Variants in PRDM16 observed in about 807,000 individuals in gnomAD.
The protein encoded by PRDM16 is histone-lysine N-methyltransferase PRDM16.
PRDM16 carries 23 observed loss-of-function variants against 110.6 expected under a neutral mutation model. The observed-to-expected ratio is 0.21, with a 90% CI of 0.15 to 0.29. PRDM16 has a LOEUF of 0.29. Ranked by LOEUF, PRDM16 falls within the 10% of genes least tolerant of loss-of-function variation. The pLI is 1.00. For missense variants in PRDM16, 1,615 were observed against 1,794.3 expected, an observed-to-expected ratio of 0.90 and a Z score of 1.81; for synonymous variants, 799 against 781.8, an observed-to-expected ratio of 1.02 and a Z score of -0.37.
chr1:3,185,256 C>T (rs2651926), intron 1 of PRDM16, among the ~76,000 whole-genome samples: 49,502 of 151,874 alleles, frequency 0.33, 9,464 homozygotes, highest in African/African-American at 0.54. Flanking sequence ...TCTCTTAGGA[C>T]GGACCCCAAA....
intron 3 of PRDM16, among the ~76,000 whole-genome samples, chr1:3,282,401 C>T (rs1293147507): frequency 6.6e-6 from 1 of 152,184 alleles, no homozygotes; most frequent in Non-Finnish European, 1.5e-5. Context: ...CCCCCACTGT[C>T]GGGCTTAGGA....
At chr1:3,185,729 C>G (rs753484178) in intron 1 of PRDM16, among the ~76,000 whole-genome samples, 3 of 152,234 alleles carry the variant, frequency 2.0e-5, no homozygotes, top group African/African-American at 7.2e-5. Context: ...TCAGCCGCCA[C>G]GCGTGACGGC....
intron 3 of PRDM16, among the ~76,000 whole-genome samples, chr1:3,314,079 G>GGGGGGGGGGGT (rs1435952092): frequency 1.3e-5 from 2 of 151,558 alleles, no homozygotes; most frequent in African/African-American, 4.9e-5. Context: ...ACCGGGGGGG[G>GGGGGGGGGGGT]GGGCGGGAAC....
intron 4 of PRDM16, among the ~76,000 whole-genome samples, chr1:3,395,646 G>A (rs759158935): frequency 2.6e-5 from 4 of 152,192 alleles, no homozygotes; most frequent in East Asian, 1.9e-4. Flanking sequence ...GGCATGGCCC[G>A]TGCCCTGGCC....
rs202228099 is a variant in PRDM16 at position 3,336,439 on chromosome 1, CAT to C, written c.439-48712_439-48711del. ...GTCTGTGCATGTGTGTTTGCATGCA[CAT>C]GTGTGTTGGAGTGAGCCTGTGTGTG... On this transcript the variant is annotated intron_variant, in intron 3 of 16. Coordinates refer to ENST00000270722, the MANE Select transcript of PRDM16 (RefSeq NM_022114.4). Among the ~76,000 whole-genome samples, 1,508 of 152,026 alleles carry C rather than the reference CAT, an allele frequency of 9.9e-3. 15 individuals are homozygous for C. The highest frequency in any genetic ancestry group is 0.034 in the African/African-American group (1,395 of 41,444).
Position 3,069,580 on chromosome 1 carries a change from A to C in PRDM16, c.37+284A>C, listed in dbSNP as rs1641695099. 5.5e-5 allele frequency among the ~76,000 whole-genome samples: 8 copies of C among 145,538 alleles called. No homozygotes were observed. The highest frequency in any genetic ancestry group is 2.4e-4 in the South Asian group (1 of 4,212). On this transcript the variant is annotated intron_variant, in intron 1 of 16. Coordinates refer to ENST00000270722, the MANE Select transcript of PRDM16 (RefSeq NM_022114.4). This position sits in a 1 kb window ranked among gnomAD's most constrained non-coding sequence, Gnocchi z 6.1. ...CAGTGTCAGGCGCTCGGGCCCGGGA[A>C]CCCGAGGCGCGCGGTGGGGGCCGGG...
chr1:3,355,253 G>T lies in PRDM16; in HGVS notation c.439-29899G>T, dbSNP rs140505192. 7.3e-3 allele frequency among the ~76,000 whole-genome samples: 1,115 copies of T among 152,294 alleles called. 8 individuals are homozygous for T. The highest frequency in any genetic ancestry group is 0.016 in the South Asian group (75 of 4,826). ...CCTGGCAGGAGGGGGAGGGAGAGGA[G>T]TACAGAGTGGAGGCCTCCGGGGTAT... On this transcript the variant is annotated intron_variant, in intron 3 of 16. Transcript: ENST00000270722.
intron 3 of PRDM16, among the ~76,000 whole-genome samples, chr1:3,310,995 GTA>G (rs957720531): frequency 6.6e-5 from 10 of 152,094 alleles, no homozygotes; most frequent in South Asian, 2.1e-4. Flanking sequence ...GTGTGCGTGC[GTA>G]TGTGTGTGTG....
At position 3,243,094 on chromosome 1, in the gene PRDM16, C is replaced by G. The variant is rs1230429150; in HGVS notation, c.388-993C>G. Among the ~76,000 whole-genome samples the G allele has an allele frequency of 1.3e-5, 2 of 152,178 alleles. No individual in the cohort carries two copies. Among genetic ancestry groups the G allele is most frequent in the East Asian group, 3.9e-4 (2 of 5,182 alleles). The stretch of plus-strand genomic sequence containing the variant: ...CAAAGAACGTTCCGGCTGGAGCGAC[C>G]TGGGAGGAAGAACGAGCCGACTGCT... On this transcript the variant is annotated intron_variant, in intron 2 of 16. Coordinates refer to ENST00000270722, the MANE Select transcript of PRDM16 (RefSeq NM_022114.4). The surrounding 1 kb of genome is among the most constrained non-coding windows in gnomAD (Gnocchi z 5.5).
Position 3,080,912 on chromosome 1 carries a change from G to T in PRDM16, c.37+11616G>T, listed in dbSNP as rs1304976957. Among the ~76,000 whole-genome samples, 1 of 152,142 alleles carries T rather than the reference G, an allele frequency of 6.6e-6. No homozygotes were observed. The highest frequency in any genetic ancestry group is 1.9e-4 in the East Asian group (1 of 5,186). Reference sequence around the variant, plus strand: ...GCCCGAGCACCCAACGCTTCCCGGAGAGCTTGTGTGCCTGAGAGTGTGTGT... The same window carrying T: ...GCCCGAGCACCCAACGCTTCCCGGATAGCTTGTGTGCCTGAGAGTGTGTGT... On this transcript the variant is annotated intron_variant, in intron 1 of 16. Coordinates refer to ENST00000270722, the MANE Select transcript of PRDM16 (RefSeq NM_022114.4). This position sits in a 1 kb window ranked among gnomAD's most constrained non-coding sequence, Gnocchi z 5.2.
At chr1:3,205,038 G>T (rs929570215) in intron 2 of PRDM16, among the ~76,000 whole-genome samples, 1 of 152,150 alleles carries the variant, frequency 6.6e-6, no homozygotes, top group Admixed American at 6.5e-5. Context: ...GGTATAATGC[G>T]GCCTAAATGA....
chr1:3,352,963 G>T (rs1320904185), intron 3 of PRDM16, among the ~76,000 whole-genome samples: 1 of 152,224 alleles, frequency 6.6e-6, no homozygotes, highest in African/African-American at 2.4e-5. Flanking sequence ...CACCCTGCAG[G>T]CTTCGGGGCC....
intron 5 of PRDM16, among the ~76,000 whole-genome samples, chr1:3,401,336 G>A (rs1299752413): frequency 6.6e-6 from 1 of 152,300 alleles, no homozygotes; most frequent in Middle Eastern, 3.4e-3. Flanking sequence ...GCAATCCTTA[G>A]GTTCAGGCCT....
chr1:3,159,070 A>G (rs1475795055), intron 1 of PRDM16, among the ~76,000 whole-genome samples: 1 of 152,218 alleles, frequency 6.6e-6, no homozygotes, highest in Non-Finnish European at 1.5e-5. Context: ...ATGCCAGGCC[A>G]AGATTTTTCT....
chr1:3,181,997 T>C (rs1644215664), intron 1 of PRDM16, among the ~76,000 whole-genome samples: 1 of 152,048 alleles, frequency 6.6e-6, no homozygotes. Flanking sequence ...ACACATGCAG[T>C]CACATGCTTA....
In PRDM16 at chr1:3,069,726, G is replaced by C. The variant is rs1195610827; in HGVS notation, c.37+430G>C. ...GCTCGCTCTCTCCCTCTCTCTCTCC[G>C]AGTGGCTCTCAGTCCTGGTCAAATC... On this transcript the variant is annotated intron_variant, in intron 1 of 16. Coordinates refer to ENST00000270722, the MANE Select transcript of PRDM16 (RefSeq NM_022114.4). This position sits in a 1 kb window ranked among gnomAD's most constrained non-coding sequence, Gnocchi z 6.1. Among the ~76,000 whole-genome samples the C allele has an allele frequency of 6.6e-6, 1 of 152,050 alleles. No homozygotes were observed. Among genetic ancestry groups the C allele is most frequent in the Non-Finnish European group, 1.5e-5 (1 of 67,990 alleles).
intron 2 of PRDM16, among the ~76,000 whole-genome samples, chr1:3,204,959 G>T (rs1209241828): frequency 6.6e-6 from 1 of 152,178 alleles, no homozygotes; most frequent in Non-Finnish European, 1.5e-5. Context: ...CCGCGGGATT[G>T]TTATCGAATT....
chr1:3,262,743 C>G (rs1640189988), intron 3 of PRDM16, among the ~76,000 whole-genome samples: 1 of 152,206 alleles, frequency 6.6e-6, no homozygotes, highest in Non-Finnish European at 1.5e-5. Context: ...TGACAACACA[C>G]AGAAAACATG....
At chr1:3,417,754 C>T (rs1178071178) in intron 10 of PRDM16, 74 bp from the exon 11 acceptor site, 1 of 1,262,428 alleles carries the variant, frequency 7.9e-7, no homozygotes, top group South Asian at 1.2e-5. Context: ...TTGTACAGAA[C>T]CCCCAGCAGT....
Sources: gnomAD v4.1 joint callset for allele counts (sites outside exome capture counted in the v4.1 genomes callset) on GRCh38, gnomAD v4.1.1 for gene constraint, Gnocchi (gnomAD v3.1) non-coding constraint, MANE v1.5 for transcripts, NCBI Gene and HGNC (gene_info 2026-07-23, HGNC 2026-07-21) for gene names.